ZNF638: variants seen among roughly 807,000 people sequenced by gnomAD.
ZNF638 encodes CTCL tumor antigen se33-1.
Under a neutral mutation model 195.6 loss-of-function variants are expected in ZNF638, and 46 were observed. The ratio of observed to expected loss-of-function variants is 0.24; its 90% CI spans 0.19 to 0.30. ZNF638 has a LOEUF of 0.30. ZNF638 is among the 10% of genes least tolerant of loss of function. The pLI, the probability that ZNF638 is intolerant of heterozygous loss-of-function variation, is 1.00. For missense variants in ZNF638, 2,440 were observed against 2,325.3 expected, an observed-to-expected ratio of 1.05 and a Z score of -1.01; for synonymous variants, 845 against 772.0, an observed-to-expected ratio of 1.09 and a Z score of -1.57.
chr2:71,369,970 G>C lies in ZNF638; in HGVS notation c.2230G>C (p.Val744Leu). The change falls in exon 8 of 28, where the codon GTG becomes CTG. Residue 744 changes from valine (V) to leucine (L), a missense_variant. Transcript: ENST00000264447. ...ACCTCTTACGATAAAAGGAAAAAGT[G>C]TGAAAATATGTGTTCCAGGAAAGAA... ...TTPLTIKGKS[V>L]KICVPGKKKA... 1.3e-6 allele frequency: 2 copies of C among 1,597,034 alleles called. No homozygotes were observed. The highest frequency in any genetic ancestry group is 1.2e-5 in the South Asian group (1 of 86,460).
At chr2:71,411,950 C>A (rs1325834231) in intron 20 of ZNF638, among the ~76,000 whole-genome samples, 3 of 91,666 alleles carry the variant, frequency 3.3e-5, no homozygotes, top group Admixed American at 1.2e-4. Flanking sequence ...GTGCATGTGT[C>A]TTTATAGCAG....
At chr2:71,369,520 G>C (rs1392747428) in intron 7 of ZNF638, among the ~76,000 whole-genome samples, 1 of 152,074 alleles carries the variant, frequency 6.6e-6, no homozygotes, top group East Asian at 1.9e-4. Context: ...CATAGTGATA[G>C]TGTTGTCTTT....
At chr2:71,395,906 G>C (rs753588797) in intron 10 of ZNF638, 32 of 568,020 alleles carry the variant, frequency 5.6e-5, no homozygotes, top group Non-Finnish European at 9.3e-5. Context: ...AATTGGTTCA[G>C]CCTTTCTGAA....
intron 3 of ZNF638, 73 bp downstream of exon 3, chr2:71,355,853 A>G (rs1573039647): frequency 2.4e-6 from 2 of 836,248 alleles, no homozygotes; most frequent in East Asian, 5.9e-5. Flanking sequence ...TGACTGTTAA[A>G]TACCTTTAGT....
intron 1 of ZNF638, among the ~76,000 whole-genome samples, chr2:71,337,137 G>A (rs1418312433): frequency 7.2e-6 from 1 of 138,188 alleles, no homozygotes. Flanking sequence ...ATTGCCTATA[G>A]TTTTTTTTTT....
chr2:71,424,077 A>G, intron 22 of ZNF638, 39 bp downstream of exon 22: 3 of 1,588,370 alleles, frequency 1.9e-6, no homozygotes, highest in Non-Finnish European at 1.7e-6. Flanking sequence ...GTGTCTTTGA[A>G]GTGATTAGCT....
intron 12 of ZNF638, 84 bp downstream of exon 12, chr2:71,398,856 C>G: frequency 1.6e-6 from 2 of 1,220,938 alleles, no homozygotes; most frequent in East Asian, 4.8e-5. Flanking sequence ...GCATCTAATA[C>G]TTGAAGAGTT....
chr2:71,378,491 A>G (rs536759224), intron 8 of ZNF638, among the ~76,000 whole-genome samples: 15 of 152,222 alleles, frequency 9.9e-5, no homozygotes, highest in Non-Finnish European at 1.5e-4. Flanking sequence ...ATTAACAAAT[A>G]CTTGCTGAAT....
At chr2:71,338,767 G>T (rs2078714208) in intron 1 of ZNF638, among the ~76,000 whole-genome samples, 1 of 152,104 alleles carries the variant, frequency 6.6e-6, no homozygotes, top group African/African-American at 2.4e-5. Context: ...CCCCTTCAAT[G>T]TATTGTGGTA....
chr2:71,400,907 AT>A (rs533905881), intron 15 of ZNF638, among the ~76,000 whole-genome samples: 70 of 152,302 alleles, frequency 4.6e-4, no homozygotes, highest in African/African-American at 1.7e-3. Flanking sequence ...AGTTGTTTGC[AT>A]TTATGGGGAA....
At chr2:71,357,353 G>T (rs1205888166) in intron 3 of ZNF638, among the ~76,000 whole-genome samples, 10 of 152,116 alleles carry the variant, frequency 6.6e-5, no homozygotes, top group Admixed American at 6.5e-4. Context: ...ACTGGAAATT[G>T]GGGTTACTAT....
chr2:71,345,632 C>G (rs1015083506), intron 1 of ZNF638, among the ~76,000 whole-genome samples: 3 of 152,118 alleles, frequency 2.0e-5, no homozygotes, highest in Admixed American at 2.0e-4. Context: ...GTCCTCCTGC[C>G]TTGGCCTCCC....
rs1449478493 is a variant in ZNF638, at chr2:71,411,696, A to G, written c.3261+3449A>G. ...TGTGTCCATGTGATCTCATTGTTCA[A>G]TTCCCACCTATGAGTGAGAATATGC... On this transcript the variant is annotated intron_variant, in intron 20 of 27. Coordinates refer to ENST00000264447, the MANE Select transcript of ZNF638 (RefSeq NM_014497.5). 1.7e-4 allele frequency among the ~76,000 whole-genome samples: 16 copies of G among 92,892 alleles called. No individual in the cohort carries two copies. In the South Asian group the frequency reaches 5.0e-3, roughly 29 times the overall value. The allele number at this position is 92,892 out of a possible 152,430, so 60.9% of individuals were successfully genotyped here. A position where few individuals can be genotyped will look rare whatever the true frequency, so the allele number is the denominator to read the frequency against.
At chr2:71,352,532 C>G (rs942141925) in intron 2 of ZNF638, among the ~76,000 whole-genome samples, 2 of 144,556 alleles carry the variant, frequency 1.4e-5, no homozygotes, top group Non-Finnish European at 3.1e-5. Context: ...TTGGCGGCAA[C>G]AACATACAGA....
At chr2:71,408,788 T>C (rs1254282542) in intron 20 of ZNF638, 3 of 421,132 alleles carry the variant, frequency 7.1e-6, no homozygotes, top group South Asian at 1.8e-5. Flanking sequence ...AGGTAAGTAA[T>C]AGGACCTTAT....
chr2:71,433,501 A>C, intron 27 of ZNF638: 1 of 476,978 alleles, frequency 2.1e-6, no homozygotes, highest in Non-Finnish European at 3.7e-6. Flanking sequence ...TAGATTCTGC[A>C]GATCACTAGT....
At position 71,365,587 on chromosome 2, in the gene ZNF638, A is replaced by G. The variant is rs1391867025; in HGVS notation, c.1876A>G (p.Thr626Ala). Residue 626 changes from threonine (T) to alanine (A), a missense_variant, in exon 6 of 28, where the codon ACA becomes GCA. Transcript: ENST00000264447. ...TKPSVKPTSATKSDSNLGGHS... is the reference protein window; with the variant it reads ...TKPSVKPTSAAKSDSNLGGHS... ...ACCATCAGTTAAACCTACAAGCGCT[A>G]CAAAGAGTGATTCAAATCTAGGAGG... 4 of 1,614,096 alleles carry G rather than the reference A, an allele frequency of 2.5e-6. No individual in the cohort carries two copies. The highest frequency in any genetic ancestry group is 2.7e-5 in the African/African-American group (2 of 74,958).
chr2:71,342,606 A>G (rs1308219002), intron 1 of ZNF638, among the ~76,000 whole-genome samples: 5 of 152,224 alleles, frequency 3.3e-5, no homozygotes, highest in African/African-American at 1.2e-4. Context: ...GGTGAGAGGA[A>G]AAAGAAAAGT....
intron 10 of ZNF638, among the ~76,000 whole-genome samples, chr2:71,394,823 T>C (rs934374190): frequency 6.6e-5 from 10 of 151,722 alleles, no homozygotes; most frequent in African/African-American, 2.2e-4. Context: ...GAAATGTGTC[T>C]AATGAACTTC....
Sources: allele counts gnomAD v4.1 joint callset (sites outside exome capture counted in the v4.1 genomes callset), GRCh38; gene constraint gnomAD v4.1.1; transcripts MANE v1.5; gene names NCBI Gene and HGNC (gene_info 2026-07-23, HGNC 2026-07-21).